Variants in LRRIQ3 observed in about 807,000 individuals in gnomAD.
LRRIQ3 encodes leucine rich repeats and IQ motif containing 3, also known as leucine-rich repeat and IQ domain-containing protein 3.
LRRIQ3 carries 75 observed loss-of-function variants against 59.3 expected under a neutral mutation model. The ratio of observed to expected loss-of-function variants is 1.26; its 90% CI spans 1.05 to 1.53. LRRIQ3 has a LOEUF of 1.53. LRRIQ3 is among the 40% of genes most tolerant of loss of function. The probability of loss-of-function intolerance (pLI) is 0.00; values close to 1 mark genes in which losing one functional copy is unlikely to be tolerated. For synonymous variants in LRRIQ3, 250 were observed against 231.3 expected, an observed-to-expected ratio of 1.08 and a Z score of -0.73; for missense variants, 831 against 710.0, an observed-to-expected ratio of 1.17 and a Z score of -1.94.
At chr1:74,085,305 A>G (rs1410029015) in intron 5 of LRRIQ3, among the ~76,000 whole-genome samples, 2 of 140,616 alleles carry the variant, frequency 1.4e-5, no homozygotes, top group African/African-American at 2.6e-5. Flanking sequence ...GCGTATCACT[A>G]TGCTAAGTAC....
In LRRIQ3 at chr1:74,041,812, T is replaced by C. The variant is rs777691790; in HGVS notation, c.1119A>G (p.Lys373=). The change falls in exon 7 of 8, where the codon AAA becomes AAG. Residue 373 remains lysine, a synonymous_variant. Coordinates refer to ENST00000354431, the MANE Select transcript of LRRIQ3 (RefSeq NM_001105659.2). The part of the protein sequence containing the change: ...SLKNNAVLRE[K]KQHFFPAYPQ... Reference sequence around the variant, plus strand: ...GATATGCAGGAAAAAAATGTTGTTTTTTCTCTCTCAATACTGCATTATTCT... The same window carrying C: ...GATATGCAGGAAAAAAATGTTGTTTCTTCTCTCTCAATACTGCATTATTCT... The C allele has an allele frequency of 1.2e-6, 2 of 1,613,612 alleles. No homozygotes were observed. Among genetic ancestry groups the C allele is most frequent in the Admixed American group, 3.3e-5 (2 of 59,972 alleles).
intron 1 of LRRIQ3, among the ~76,000 whole-genome samples, chr1:74,187,748 A>AAAC (rs1351643831): frequency 6.6e-6 from 1 of 152,044 alleles, no homozygotes; most frequent in African/African-American, 2.4e-5. Flanking sequence ...AAAAATTAAA[A>AAAC]AACAACAAAA....
chr1:74,094,203 C>CCAAATTACAT, intron 5 of LRRIQ3, among the ~76,000 whole-genome samples: 1 of 152,040 alleles, frequency 6.6e-6, no homozygotes, highest in East Asian at 1.9e-4. Flanking sequence ...CTTTAGAGTC[C>CCAAATTACAT]CCATCTCCAA....
chr1:74,072,489 TCA>T (rs1491576674), intron 6 of LRRIQ3, among the ~76,000 whole-genome samples: 12 of 151,880 alleles, frequency 7.9e-5, no homozygotes, highest in African/African-American at 2.9e-4. Flanking sequence ...GCTTTTGTGC[TCA>T]TATATATATA....
rs556693025 is a variant in LRRIQ3, at chr1:74,112,045, T to G, written c.708-2492A>C. Among the ~76,000 whole-genome samples the G allele has an allele frequency of 2.6e-5, 4 of 152,196 alleles. No homozygotes were observed. In the East Asian group the frequency reaches 7.8e-4, roughly 30 times the overall value. On this transcript the variant is annotated intron_variant, in intron 4 of 7. Coordinates refer to ENST00000354431, the MANE Select transcript of LRRIQ3 (RefSeq NM_001105659.2). ...GAGAATACTGGAGCCCTGGTAGCCC[T>G]TACTCCAGATCACTTGTAAGATAGC...
intron 1 of LRRIQ3, among the ~76,000 whole-genome samples, chr1:74,192,115 C>T (rs1222339124): frequency 2.6e-5 from 4 of 152,026 alleles, no homozygotes; most frequent in African/African-American, 7.2e-5. Context: ...CTGTAGTTCA[C>T]ATGTTTAGTG....
intron 1 of LRRIQ3, among the ~76,000 whole-genome samples, chr1:74,194,709 AAATCAC>A (rs374032415): frequency 2.5e-4 from 38 of 152,338 alleles, no homozygotes; most frequent in African/African-American, 8.2e-4. Context: ...ATCTGCACAG[AAATCAC>A]AACCTCTTAA....
At chr1:74,188,920 A>G (rs1453914245) in intron 1 of LRRIQ3, among the ~76,000 whole-genome samples, 1 of 152,184 alleles carries the variant, frequency 6.6e-6, no homozygotes, top group Non-Finnish European at 1.5e-5. Flanking sequence ...AACAACAAAA[A>G]AGGTTTATTT....
chr1:74,030,580 C>A (rs909926059), intron 7 of LRRIQ3, among the ~76,000 whole-genome samples: 1 of 152,122 alleles, frequency 6.6e-6, no homozygotes, highest in African/African-American at 2.4e-5. Context: ...GAAACTGGAT[C>A]CCTTCCTTAC....
intron 5 of LRRIQ3, chr1:74,094,930 T>C (rs945384303): frequency 3.3e-5 from 5 of 152,158 alleles, no homozygotes; most frequent in Admixed American, 6.6e-5. Context: ...TCTTATTCTA[T>C]AATAAAGGAA....
intron 6 of LRRIQ3, among the ~76,000 whole-genome samples, chr1:74,046,481 A>G (rs990132019): frequency 2.0e-5 from 3 of 152,238 alleles, no homozygotes; most frequent in African/African-American, 7.2e-5. Context: ...CTTAAACCTA[A>G]AGCCATAAAA....
At chr1:74,057,784 C>A (rs558193617) in intron 6 of LRRIQ3, among the ~76,000 whole-genome samples, 1 of 151,986 alleles carries the variant, frequency 6.6e-6, no homozygotes, top group Non-Finnish European at 1.5e-5. Flanking sequence ...GCAAAGGAAC[C>A]AATCAGCAGA....
intron 4 of LRRIQ3, among the ~76,000 whole-genome samples, chr1:74,149,777 T>C (rs1396667354): frequency 6.6e-6 from 1 of 152,228 alleles, no homozygotes; most frequent in Non-Finnish European, 1.5e-5. Context: ...CTCTCTCTTT[T>C]GTTCATACAT....
At chr1:74,049,299 T>G (rs1311834207) in intron 6 of LRRIQ3, among the ~76,000 whole-genome samples, 2 of 152,128 alleles carry the variant, frequency 1.3e-5, no homozygotes, top group Non-Finnish European at 2.9e-5. Flanking sequence ...ATTCTGAGAT[T>G]TGAAGTCGTT....
chr1:74,166,530 T>A (rs1262852035), intron 3 of LRRIQ3, among the ~76,000 whole-genome samples: 1 of 151,798 alleles, frequency 6.6e-6, no homozygotes, highest in African/African-American at 2.4e-5. Flanking sequence ...TCTTTGGTTT[T>A]TCAGTTTCAC....
intron 4 of LRRIQ3, among the ~76,000 whole-genome samples, chr1:74,140,518 T>C (rs2100635309): frequency 6.6e-6 from 1 of 151,908 alleles, no homozygotes; most frequent in Admixed American, 6.6e-5. Context: ...AAACTAGTAA[T>C]CCCAAAATTA....
intron 5 of LRRIQ3, among the ~76,000 whole-genome samples, chr1:74,075,538 G>C (rs930888377): frequency 6.6e-6 from 1 of 151,396 alleles, no homozygotes; most frequent in Admixed American, 6.6e-5. Flanking sequence ...TTGCACTCCA[G>C]CCTGGGCAAC....
At chr1:74,184,724 A>G (rs1650244300) in intron 1 of LRRIQ3, among the ~76,000 whole-genome samples, 1 of 152,162 alleles carries the variant, frequency 6.6e-6, no homozygotes, top group Non-Finnish European at 1.5e-5. Flanking sequence ...GCATAGGAAT[A>G]ATGTTAACAG....
intron 5 of LRRIQ3, among the ~76,000 whole-genome samples, chr1:74,084,865 C>G (rs1404917594): frequency 6.6e-6 from 1 of 151,646 alleles, no homozygotes; most frequent in Non-Finnish European, 1.5e-5. Context: ...TATCATCAGC[C>G]TATAGAATTT....
Sources: allele counts gnomAD v4.1 joint callset (sites outside exome capture counted in the v4.1 genomes callset), GRCh38; gene constraint gnomAD v4.1.1; transcripts MANE v1.5; gene names NCBI Gene and HGNC (gene_info 2026-07-23, HGNC 2026-07-21).